Variants in CROCC2 observed in about 807,000 individuals in gnomAD.
The protein encoded by CROCC2 is ciliary rootlet coiled-coil protein 2.
Under a neutral mutation model 177.6 loss-of-function variants are expected in CROCC2, and 163 were observed. That is an observed-to-expected ratio of 0.92 (90% CI 0.81 to 1.05). The LOEUF (loss-of-function observed/expected upper bound fraction) is 1.05, where lower values mean the gene tolerates loss of function less well. CROCC2 is among the 50% of genes least tolerant of loss of function. The probability of loss-of-function intolerance (pLI) is 0.00; values close to 1 mark genes in which losing one functional copy is unlikely to be tolerated. For synonymous variants in CROCC2, 904 were observed against 787.3 expected (o/e 1.15, Z -2.48); for missense variants, 1,929 against 1,797.8 (o/e 1.07, Z -1.32).
rs572669652 is a variant in CROCC2, at chr2:240,972,192, C to T, written c.4401+3930C>T. Among the ~76,000 whole-genome samples, 5 of 152,248 alleles carry T rather than the reference C, an allele frequency of 3.3e-5. No individual in the cohort carries two copies. The East Asian group carries it at 9.6e-4, about 29-fold the overall frequency. On this transcript the variant is annotated intron_variant, in intron 27 of 31. Transcript: ENST00000690015. This position sits in a 1 kb window ranked among gnomAD's most constrained non-coding sequence, Gnocchi z 7.1. Reference sequence around the variant, plus strand: ...TTTGAAGTTGGGAGTGGAGAGGAACCCATCAGGGACTTTATGTGTCCCCAT... The same window carrying T: ...TTTGAAGTTGGGAGTGGAGAGGAACTCATCAGGGACTTTATGTGTCCCCAT...
rs867231089 is a variant in CROCC2 at position 240,972,973 on chromosome 2, T to G, written c.4401+4711T>G. Among the ~76,000 whole-genome samples the G allele has an allele frequency of 6.6e-6, 1 of 152,074 alleles. No homozygotes were observed. Among genetic ancestry groups the G allele is most frequent in the Non-Finnish European group, 1.5e-5 (1 of 68,018 alleles). On this transcript the variant is annotated intron_variant, in intron 27 of 31. Transcript: ENST00000690015. This position sits in a 1 kb window ranked among gnomAD's most constrained non-coding sequence, Gnocchi z 7.1. ...AGCCAGGGGGCTGGGAACATAGCCATGCTCCCTGCTGCCCCATGCCCCTTG... is the reference window on the plus strand; with the variant it reads ...AGCCAGGGGGCTGGGAACATAGCCAGGCTCCCTGCTGCCCCATGCCCCTTG...
At chr2:240,975,345 C>A (rs759116172) in intron 27 of CROCC2, among the ~76,000 whole-genome samples, 2 of 152,192 alleles carry the variant, frequency 1.3e-5, no homozygotes, top group Non-Finnish European at 2.9e-5. Context: ...GGGCTCCAAT[C>A]CCCTTGTATC....
intron 28 of CROCC2, chr2:240,983,509 G>A: frequency 4.0e-6 from 5 of 1,244,962 alleles, no homozygotes; most frequent in African/African-American, 1.6e-5. Flanking sequence ...AGGAGCAGAC[G>A]GCGGCGCTGC....
At chr2:240,967,111 G>A (rs1008638610) in intron 25 of CROCC2, among the ~76,000 whole-genome samples, 7 of 152,100 alleles carry the variant, frequency 4.6e-5, no homozygotes, top group African/African-American at 9.7e-5. Flanking sequence ...CCTTTAGGCC[G>A]AGTCTCACTG....
Position 240,930,226 on chromosome 2 carries a change from G to C in CROCC2, c.706G>C (p.Val236Leu), listed in dbSNP as rs1467254205. 1.7e-6 allele frequency: 1 copy of C among 599,648 alleles called. No individual in the cohort carries two copies. The highest frequency in any genetic ancestry group is 3.1e-6 in the Non-Finnish European group (1 of 327,114). The allele number at this position is 599,648 out of a possible 1,614,324, so 37.1% of individuals were successfully genotyped here. A position where few individuals can be genotyped will look rare whatever the true frequency, so the allele number is the denominator to read the frequency against. ...CCTCCTCCTGTGGAGACAGGCCGTG[G>C]TGCTGGGGACAGACCTGGCCGAGCT... ...DLLLLWRQAV[V>L]LGTDLAELRV... Residue 236 changes from valine to leucine, a missense_variant, in exon 6 of 32, where the codon GTG becomes CTG. By Grantham distance (32) the Val-to-Leu change is conservative. This residue lies in a region of CROCC2 where 1,397 missense variants were observed against 1,239.9 expected (regional missense o/e 1.13). Transcript: ENST00000690015.
At chr2:240,935,213 C>A in intron 13 of CROCC2, 145 bp from the exon 14 acceptor site, 2 of 1,197,202 alleles carry the variant, frequency 1.7e-6, no homozygotes, top group East Asian at 3.1e-5. Context: ...CTAGCCCTGG[C>A]CAGGCCTGAG....
chr2:240,964,592 C>A lies in CROCC2; in HGVS notation c.3432C>A (p.Asp1144Glu). The change falls in exon 22 of 32, where the codon GAC (aspartate) becomes GAA (glutamate). Residue 1144 changes from aspartate to glutamate, a missense_variant. Transcript: ENST00000690015. The part of the protein sequence containing the change: ...HLWELEQAGG[D>E]ARQELRELHR... ...GGGAGCTGGAGCAGGCAGGGGGGGACGCCCGTCAGGAGCTCCGGGAACTCC... is the reference window on the plus strand; with the variant it reads ...GGGAGCTGGAGCAGGCAGGGGGGGAAGCCCGTCAGGAGCTCCGGGAACTCC... 6.5e-7 allele frequency: 1 copy of A among 1,549,440 alleles called. No individual in the cohort carries two copies. Among genetic ancestry groups the A allele is most frequent in the Non-Finnish European group, 8.7e-7 (1 of 1,146,770 alleles).
In CROCC2 at chr2:240,963,560, A is replaced by G; in HGVS notation, c.3092A>G (p.Glu1031Gly). The G allele has an allele frequency of 1.3e-6, 2 of 1,541,334 alleles. No homozygotes were observed. The highest frequency in any genetic ancestry group is 1.8e-6 in the Non-Finnish European group (2 of 1,141,916). ...AERGDVEREA[E>G]RLRAQLTVAQ... ...GAGCTGAATGGTCCTCCCCAGGCTG[A>G]GAGGCTGCGGGCACAGCTGACCGTG... Residue 1031 changes from glutamate to glycine, a missense_variant, in exon 21 of 32, where the codon GAG becomes GGG. Physicochemically the swap from Glu to Gly is moderately conservative, Grantham distance 98. This residue lies in a region of CROCC2 where 1,397 missense variants were observed against 1,239.9 expected (regional missense o/e 1.13). Transcript: ENST00000690015.
chr2:240,962,183 G>T (rs1443882006), intron 20 of CROCC2, among the ~76,000 whole-genome samples: 1 of 152,008 alleles, frequency 6.6e-6, no homozygotes. Context: ...TTTAAAAGAG[G>T]CTGTTTATAC....
chr2:240,961,627 G>GCACACGCTCATCA (rs1472878296), intron 20 of CROCC2, among the ~76,000 whole-genome samples: 1 of 113,888 alleles, frequency 8.8e-6, no homozygotes, highest in African/African-American at 3.4e-5. Flanking sequence ...CATGACACAT[G>GCACACGCTCATCA]CACACGCTCA....
rs899323945 is a variant in CROCC2 at position 240,960,479 on chromosome 2, G to A, written c.3087+1035G>A. Among the ~76,000 whole-genome samples, 1 of 151,410 alleles carries A rather than the reference G, an allele frequency of 6.6e-6. No individual in the cohort carries two copies. The highest frequency in any genetic ancestry group is 2.4e-5 in the African/African-American group (1 of 41,226). The stretch of plus-strand genomic sequence containing the variant: ...CTCAGCGGGCAGGCAGATTGGAGAG[G>A]CATTTCTGAGGGGGGTTGGCAGGAC... On this transcript the variant is annotated intron_variant, in intron 20 of 31. Coordinates refer to ENST00000690015, the MANE Select transcript of CROCC2 (RefSeq NM_001351305.2). This position sits in a 1 kb window ranked among gnomAD's most constrained non-coding sequence, Gnocchi z 5.0.
At chr2:240,940,593 A>C (rs1023649631) in intron 14 of CROCC2, among the ~76,000 whole-genome samples, 2 of 151,854 alleles carry the variant, frequency 1.3e-5, no homozygotes, top group Non-Finnish European at 2.9e-5. Flanking sequence ...TAAAAACAAA[A>C]ATCACATGAT....
chr2:240,955,732 C>T (rs1486624459), intron 18 of CROCC2, 127 bp from the exon 19 acceptor site: 1 of 637,994 alleles, frequency 1.6e-6, no homozygotes, highest in Non-Finnish European at 2.7e-6. Flanking sequence ...CAGACAGGAA[C>T]ATGAACGTGC....
At chr2:240,971,967 C>T (rs938635788) in intron 27 of CROCC2, among the ~76,000 whole-genome samples, 7 of 152,136 alleles carry the variant, frequency 4.6e-5, no homozygotes, top group African/African-American at 1.7e-4. Context: ...GGATTGTCCA[C>T]CTCAAGACCC....
Position 240,922,643 on chromosome 2 carries a change from G to T in CROCC2, c.486G>T (p.Glu162Asp). Residue 162 changes from glutamate to aspartate, a missense_variant and splice_region_variant, in exon 4 of 32, where the codon GAG becomes GAT. Physicochemically the swap from Glu to Asp is conservative, Grantham distance 45. Coordinates refer to ENST00000690015, the MANE Select transcript of CROCC2 (RefSeq NM_001351305.2). ...EALGRLEAAE[E>D]RSTGLCQVNA... is the part of the protein sequence containing the mutation. Reference sequence around the variant, plus strand: ...TTGGCCGTCTGGAGGCTGCCGAGGAGAGGTGAGGCCAGGTGCGGGGCAGTC... The same window carrying T: ...TTGGCCGTCTGGAGGCTGCCGAGGATAGGTGAGGCCAGGTGCGGGGCAGTC... The T allele has an allele frequency of 1.5e-6, 1 of 648,040 alleles. No individual in the cohort carries two copies. 40.1% of individuals were successfully genotyped at this position (648,040 alleles called of 1,614,324 possible). A position where few individuals can be genotyped will look rare whatever the true frequency, so the allele number is the denominator to read the frequency against.
At chr2:240,927,307 C>T (rs1358339391) in intron 5 of CROCC2, among the ~76,000 whole-genome samples, 3 of 151,964 alleles carry the variant, frequency 2.0e-5, no homozygotes, top group South Asian at 2.1e-4. Context: ...CTTTAGGGTT[C>T]GCGGAACCTC....
intron 7 of CROCC2, 21 bp downstream of exon 7, chr2:240,931,149 A>T (rs2059428228): frequency 2.8e-6 from 2 of 701,814 alleles, no homozygotes; most frequent in Non-Finnish European, 5.3e-6. Flanking sequence ...AGGGCCAGCA[A>T]GCTTGCACAG....
intron 29 of CROCC2, among the ~76,000 whole-genome samples, chr2:240,989,083 G>T (rs539723925): frequency 1.3e-5 from 2 of 152,290 alleles, no homozygotes; most frequent in East Asian, 3.9e-4. Flanking sequence ...CAAGGCTCCT[G>T]CCCTTCTTGA....
At chr2:240,988,653 G>A (rs1372899898) in intron 28 of CROCC2, 86 bp from the exon 29 acceptor site, 10 of 1,265,332 alleles carry the variant, frequency 7.9e-6, no homozygotes, top group Admixed American at 4.0e-5. Context: ...CCTTCCCAGA[G>A]GCAACCCTGT....
Sources: allele counts gnomAD v4.1 joint callset (sites outside exome capture counted in the v4.1 genomes callset), GRCh38; gene constraint gnomAD v4.1.1; regional missense constraint gnomAD v4.1.1; non-coding constraint Gnocchi (gnomAD v3.1); transcripts MANE v1.5; gene names NCBI Gene and HGNC (gene_info 2026-07-23, HGNC 2026-07-21).